FBXL13: variants seen among roughly 807,000 people sequenced by gnomAD.
The protein encoded by FBXL13 is F-box and leucine rich repeat protein 13.
FBXL13 carries 67 observed loss-of-function variants against 83.6 expected under a neutral mutation model. The observed-to-expected ratio is 0.80, with a 90% confidence interval of 0.66 to 0.98. The LOEUF (loss-of-function observed/expected upper bound fraction) is 0.98, where lower values mean the gene tolerates loss of function less well. FBXL13 is among the 50% of genes least tolerant of loss of function. The pLI is 0.00. For missense variants in FBXL13, 822 were observed against 866.5 expected, an observed-to-expected ratio of 0.95 and a Z score of 0.64; for synonymous variants, 272 against 299.5, an observed-to-expected ratio of 0.91 and a Z score of 0.95.
At chr7:102,821,726 C>T (rs542503167) in intron 19 of FBXL13, among the ~76,000 whole-genome samples, 1 of 152,106 alleles carries the variant, frequency 6.6e-6, no homozygotes, top group African/African-American at 2.4e-5. Context: ...TCTCTTAATG[C>T]TCTAGGGGAG....
At chr7:102,829,303 G>T (rs1450034734) in intron 18 of FBXL13, among the ~76,000 whole-genome samples, 4 of 152,172 alleles carry the variant, frequency 2.6e-5, no homozygotes, top group African/African-American at 9.7e-5. Flanking sequence ...ATATGAATGT[G>T]TCCTGTCTCA....
rs535894724 is a variant in FBXL13 at position 102,898,418 on chromosome 7, G to A, written c.1009-14106C>T. Among the ~76,000 whole-genome samples, 12 of 152,072 alleles carry A rather than the reference G, an allele frequency of 7.9e-5. No homozygotes were observed. The East Asian group carries it at 2.3e-3, about 29-fold the overall frequency. Reference sequence around the variant, plus strand: ...TGCAGTGGCGCAATCATGGCTCACCGCAGCCTCAGACTACAGGCATGTGCC... The same window carrying A: ...TGCAGTGGCGCAATCATGGCTCACCACAGCCTCAGACTACAGGCATGTGCC... On this transcript the variant is annotated intron_variant, in intron 11 of 19. Transcript: ENST00000313221.
At chr7:102,951,883 G>T (rs1441538509) in intron 8 of FBXL13, among the ~76,000 whole-genome samples, 1 of 151,128 alleles carries the variant, frequency 6.6e-6, no homozygotes, top group African/African-American at 2.4e-5. Context: ...AAAAATAAGG[G>T]TTTTTTTGAA....
intron 6 of FBXL13, among the ~76,000 whole-genome samples, chr7:103,004,404 C>T (rs1166497382): frequency 6.6e-6 from 1 of 152,144 alleles, no homozygotes; most frequent in Admixed American, 6.5e-5. Context: ...GAGGTTTGTG[C>T]CCAGAGGACC....
chr7:103,018,599 C>A (rs541028874), intron 6 of FBXL13, among the ~76,000 whole-genome samples: 1 of 152,222 alleles, frequency 6.6e-6, no homozygotes, highest in South Asian at 2.1e-4. Flanking sequence ...CAGAGGCACA[C>A]ATAGGCTCAA....
In FBXL13 at chr7:102,884,299, C is replaced by T. The variant is rs1268793672; in HGVS notation, c.1022G>A (p.Gly341Asp). ...GCAGCTGTTTGCAATGTACCTGAAG[C>T]CTTGGACTGAAATCTGAATTGTACA... Residue 341 changes from glycine (G) to aspartate (D), a missense_variant, in exon 12 of 20, where the codon GGC becomes GAC. Transcript: ENST00000313221. 2 of 1,613,294 alleles carry T rather than the reference C, an allele frequency of 1.2e-6. No homozygotes were observed. Among genetic ancestry groups the T allele is most frequent in the Admixed American group, 3.3e-5 (2 of 60,010 alleles).
chr7:102,990,669 G>T (rs987726604), intron 6 of FBXL13, among the ~76,000 whole-genome samples: 11 of 152,166 alleles, frequency 7.2e-5, no homozygotes, highest in Non-Finnish European at 1.6e-4. Flanking sequence ...TGAGAGAGAG[G>T]ACAGAGGATC....
At chr7:102,977,301 C>T (rs768352175) in intron 6 of FBXL13, among the ~76,000 whole-genome samples, 4 of 152,222 alleles carry the variant, frequency 2.6e-5, no homozygotes, top group Non-Finnish European at 4.4e-5. Context: ...ACGACAAAAA[C>T]AAATGTGCGT....
chr7:103,005,531 T>C (rs2062128779), intron 6 of FBXL13, among the ~76,000 whole-genome samples: 1 of 152,144 alleles, frequency 6.6e-6, no homozygotes, highest in African/African-American at 2.4e-5. Context: ...TATCTCACAG[T>C]TCTGGAAGCT....
intron 18 of FBXL13, among the ~76,000 whole-genome samples, chr7:102,831,431 A>ACACACACACACACC (rs1033135095): frequency 3.4e-5 from 5 of 147,124 alleles, no homozygotes; most frequent in African/African-American, 1.2e-4. Flanking sequence ...ACACACACAC[A>ACACACACACACACC]CCCCACTACA....
intron 1 of FBXL13, among the ~76,000 whole-genome samples, chr7:103,057,022 ATTTG>A (rs1387265815): frequency 6.6e-6 from 1 of 151,832 alleles, no homozygotes; most frequent in African/African-American, 2.4e-5. Context: ...TTTCTTGCTA[ATTTG>A]TTTGAGTTCT....
intron 6 of FBXL13, among the ~76,000 whole-genome samples, chr7:103,000,054 T>G (rs1790227776): frequency 6.6e-6 from 1 of 152,192 alleles, no homozygotes; most frequent in Non-Finnish European, 1.5e-5. Context: ...TTAGCTCTGA[T>G]TTTGCTGTAT....
At chr7:102,926,655 C>CT (rs1474985166) in intron 9 of FBXL13, among the ~76,000 whole-genome samples, 2 of 152,182 alleles carry the variant, frequency 1.3e-5, no homozygotes, top group African/African-American at 2.4e-5. Flanking sequence ...AAGTTCAACT[C>CT]TGTCACACGA....
chr7:102,901,302 T>C (rs967319765), intron 11 of FBXL13, among the ~76,000 whole-genome samples: 2 of 152,222 alleles, frequency 1.3e-5, no homozygotes, highest in African/African-American at 4.8e-5. Context: ...TAGGTGTATA[T>C]ATTTATGGGT....
rs186655071 is a variant in FBXL13 at position 103,023,979 on chromosome 7, T to C, written c.495+1084A>G. On this transcript the variant is annotated intron_variant, in intron 6 of 19. Coordinates refer to ENST00000313221, the Ensembl canonical transcript of FBXL13. ...ACAGACACCAGGATCTACTTGAGGGTGGAGGTGGGAGGATGGTGAGGATTG... is the reference window on the plus strand; with the variant it reads ...ACAGACACCAGGATCTACTTGAGGGCGGAGGTGGGAGGATGGTGAGGATTG... Among the ~76,000 whole-genome samples the C allele has an allele frequency of 1.2e-3, 184 of 152,012 alleles. 1 individual carries two copies. Among genetic ancestry groups the C allele is most frequent in the African/African-American group, 4.3e-3 (180 of 41,464 alleles).
Position 102,931,916 on chromosome 7 carries a change from G to A in FBXL13, c.742C>T (p.Gln248Ter), listed in dbSNP as rs149803390. The change falls in exon 9 of 20, where the codon CAA becomes TAA. Residue 248 changes from glutamine to a stop codon, truncating the protein, a stop_gained. Coordinates refer to ENST00000313221, the Ensembl canonical transcript of FBXL13. LOFTEE classifies it high-confidence loss of function. The stretch of plus-strand genomic sequence containing the variant: ...GGGCAGTCAGAGACATTCAACTCTT[G>A]CAAGTTCCTACAGTGGCCTAAATCA... The A allele has an allele frequency of 2.5e-6, 4 of 1,613,454 alleles. No homozygotes were observed. Among genetic ancestry groups the A allele is most frequent in the Non-Finnish European group, 3.4e-6 (4 of 1,179,764 alleles).
At chr7:103,038,334 A>G (rs150324995) in intron 2 of FBXL13, among the ~76,000 whole-genome samples, 1,676 of 150,952 alleles carry the variant, frequency 0.011, 34 homozygotes, top group African/African-American at 0.039. Context: ...GGAGCCCACC[A>G]CAGCTCAGCA....
At chr7:102,939,391 A>G (rs1233160822) in intron 8 of FBXL13, 2 of 1,561,320 alleles carry the variant, frequency 1.3e-6, no homozygotes, top group East Asian at 4.5e-5. Context: ...AATGGGGGCA[A>G]AAAGAGCATA....
chr7:102,826,724 CATAT>C (rs58307950), intron 18 of FBXL13, among the ~76,000 whole-genome samples: 1,910 of 61,626 alleles, frequency 0.031, 42 homozygotes, highest in Non-Finnish European at 0.053. Flanking sequence ...GACCCTGTCT[CATAT>C]ATATATATAT....
Sources: allele counts gnomAD v4.1 joint callset (sites outside exome capture counted in the v4.1 genomes callset), GRCh38; gene constraint gnomAD v4.1.1; transcripts MANE v1.5; gene names NCBI Gene and HGNC (gene_info 2026-07-23, HGNC 2026-07-21).